The following CDH13 variants were observed in gnomAD, a reference collection of about 807,000 sequenced individuals.
CDH13 encodes cadherin 13.
A neutral mutation model predicts 63.8 loss-of-function variants in CDH13; 24 were observed. The observed-to-expected ratio is 0.38, with a 90% CI of 0.27 to 0.53. CDH13 has a LOEUF of 0.53. Among genes scored for constraint, CDH13 ranks in the 20% least tolerant of loss-of-function variants. The probability of loss-of-function intolerance (pLI) is 0.85; values close to 1 mark genes in which losing one functional copy is unlikely to be tolerated. For synonymous variants in CDH13, 503 were observed against 355.3 expected, an observed-to-expected ratio of 1.42 and a Z score of -4.67; for missense variants, 1,049 against 903.1, an observed-to-expected ratio of 1.16 and a Z score of -2.07.
At chr16:82,899,369 C>T (rs978212617) in intron 2 of CDH13, among the ~76,000 whole-genome samples, 1 of 152,166 alleles carries the variant, frequency 6.6e-6, no homozygotes, top group Admixed American at 6.5e-5. Flanking sequence ...CAATACAATA[C>T]ATCAATGGTT....
intron 2 of CDH13, among the ~76,000 whole-genome samples, chr16:82,910,072 C>T (rs1490019055): frequency 2.6e-5 from 4 of 152,140 alleles, no homozygotes; most frequent in Admixed American, 6.5e-5. Context: ...ATACAATTGC[C>T]GGTGTTCAAT....
chr16:83,416,137 ATCCCTT>A (rs2071539978), intron 6 of CDH13, among the ~76,000 whole-genome samples: 1 of 152,226 alleles, frequency 6.6e-6, no homozygotes, highest in African/African-American at 2.4e-5. Context: ...CAAGAAAACA[ATCCCTT>A]TACAATAGTA....
intron 2 of CDH13, among the ~76,000 whole-genome samples, chr16:82,982,969 C>T (rs139831707): frequency 2.3e-4 from 35 of 152,242 alleles, no homozygotes; most frequent in African/African-American, 8.2e-4. Context: ...CATGGTGGCC[C>T]TGAGAATATG....
chr16:83,224,441 G>A (rs1276003105), intron 5 of CDH13, among the ~76,000 whole-genome samples: 2 of 152,212 alleles, frequency 1.3e-5, no homozygotes, highest in Non-Finnish European at 2.9e-5. Flanking sequence ...TTGCCCAAAG[G>A]CAGGTAACAG....
intron 5 of CDH13, among the ~76,000 whole-genome samples, chr16:83,217,997 G>A (rs2039590716): frequency 6.6e-6 from 1 of 152,196 alleles, no homozygotes; most frequent in South Asian, 2.1e-4. Flanking sequence ...ATATGGGAGA[G>A]ATTCAAGATA....
chr16:83,112,441 G>T (rs1283313939), intron 3 of CDH13, among the ~76,000 whole-genome samples: 1 of 152,226 alleles, frequency 6.6e-6, no homozygotes. Context: ...TTGTGTTTCT[G>T]TGCGGTATGT....
At chr16:83,375,991 C>G (rs1034216499) in intron 6 of CDH13, among the ~76,000 whole-genome samples, 6 of 152,190 alleles carry the variant, frequency 3.9e-5, no homozygotes, top group African/African-American at 1.4e-4. Context: ...TGCATCAGCT[C>G]ATTTATTTAA....
chr16:83,659,961 AT>A (rs1036786270), intron 8 of CDH13, among the ~76,000 whole-genome samples: 1 of 151,680 alleles, frequency 6.6e-6, no homozygotes, highest in Non-Finnish European at 1.5e-5. Context: ...TAATTTTTGT[AT>A]TTTTTGTAGA....
intron 2 of CDH13, among the ~76,000 whole-genome samples, chr16:82,978,569 T>C (rs1165655390): frequency 6.6e-6 from 1 of 152,174 alleles, no homozygotes; most frequent in Non-Finnish European, 1.5e-5. Context: ...ACAGCTCAGG[T>C]TGTGGCTTCG....
intron 2 of CDH13, among the ~76,000 whole-genome samples, chr16:82,968,292 C>T (rs990257164): frequency 3.3e-5 from 5 of 152,232 alleles, no homozygotes; most frequent in Admixed American, 6.5e-5. Flanking sequence ...CACTTAAAAT[C>T]TGCCACCTTC....
rs143750040 is a variant in CDH13, at chr16:82,920,634, A to C, written c.157+62161A>C. Among the ~76,000 whole-genome samples the C allele has an allele frequency of 1.3e-3, 194 of 152,296 alleles. 2 individuals carry two copies. The highest frequency in any genetic ancestry group is 4.5e-3 in the African/African-American group (187 of 41,568). ...GTCTCCACTGCAGGCCCCACTGTGGATGGTGCTGGTCAGAGACTATCAGGG... is the reference window on the plus strand; with the variant it reads ...GTCTCCACTGCAGGCCCCACTGTGGCTGGTGCTGGTCAGAGACTATCAGGG... On this transcript the variant is annotated intron_variant, in intron 2 of 13. Coordinates refer to ENST00000567109, the MANE Select transcript of CDH13 (RefSeq NM_001257.5).
chr16:83,216,201 A>G (rs1489849755), intron 4 of CDH13, among the ~76,000 whole-genome samples: 2 of 151,684 alleles, frequency 1.3e-5, no homozygotes, highest in East Asian at 3.9e-4. Context: ...AATTTGTAGG[A>G]AAATTCCATA....
intron 3 of CDH13, among the ~76,000 whole-genome samples, chr16:83,066,546 C>A (rs2032025091): frequency 6.6e-6 from 1 of 152,268 alleles, no homozygotes; most frequent in Admixed American, 6.5e-5. Flanking sequence ...GCCTGAATAC[C>A]AATTTCTTAA....
At chr16:82,928,069 G>T (rs763933050) in intron 2 of CDH13, among the ~76,000 whole-genome samples, 1 of 152,136 alleles carries the variant, frequency 6.6e-6, no homozygotes, top group African/African-American at 2.4e-5. Context: ...CTCTCAGCGA[G>T]AGTAGCAGAT....
At chr16:83,547,356 A>G (rs1305412520) in intron 7 of CDH13, among the ~76,000 whole-genome samples, 1 of 152,222 alleles carries the variant, frequency 6.6e-6, no homozygotes, top group Non-Finnish European at 1.5e-5. Flanking sequence ...AATTTGTTAC[A>G]TAGGTAAACT....
At chr16:83,658,573 G>C (rs79257491) in intron 8 of CDH13, among the ~76,000 whole-genome samples, 22 of 88,408 alleles carry the variant, frequency 2.5e-4, no homozygotes, top group Non-Finnish European at 4.9e-4. Flanking sequence ...CAGGTCCCAT[G>C]TCCTCACCAG....
chr16:82,746,208 C>T (rs894319892), intron 1 of CDH13, among the ~76,000 whole-genome samples: 1 of 88,400 alleles, frequency 1.1e-5, no homozygotes, highest in Non-Finnish European at 2.8e-5. Flanking sequence ...TATATATAAA[C>T]ACACTGTTTA....
intron 2 of CDH13, among the ~76,000 whole-genome samples, chr16:82,885,617 A>G (rs146585756): frequency 2.0e-5 from 3 of 152,064 alleles, no homozygotes; most frequent in African/African-American, 4.8e-5. Context: ...CTTTTCTTCT[A>G]TCTATCTGTA....
At chr16:83,107,296 A>G (rs867607456) in intron 3 of CDH13, among the ~76,000 whole-genome samples, 4 of 148,768 alleles carry the variant, frequency 2.7e-5, no homozygotes, top group African/African-American at 7.5e-5. Flanking sequence ...GGAAATTTTG[A>G]AAAAGAGTTC....
Sources: gnomAD v4.1 joint callset for allele counts (sites outside exome capture counted in the v4.1 genomes callset) on GRCh38, gnomAD v4.1.1 for gene constraint, MANE v1.5 for transcripts, NCBI Gene and HGNC (gene_info 2026-07-23, HGNC 2026-07-21) for gene names.